SLA: variants seen among roughly 807,000 people sequenced by gnomAD.
SLA encodes the protein src-like-adapter.
In SLA, 16 loss-of-function variants were observed where a neutral mutation model predicts 30.3. The ratio of observed to expected loss-of-function variants is 0.53; its 90% confidence interval spans 0.36 to 0.80. The LOEUF is 0.80. Ranked by LOEUF, SLA falls within the 30% of genes least tolerant of loss-of-function variation. The probability of loss-of-function intolerance (pLI) is 0.01; values close to 1 mark genes in which losing one functional copy is unlikely to be tolerated. For missense variants in SLA, 310 were observed against 345.2 expected, an observed-to-expected ratio of 0.90 and a Z score of 0.81; for synonymous variants, 143 against 137.8, an observed-to-expected ratio of 1.04 and a Z score of -0.26.
intron 2 of SLA, among the ~76,000 whole-genome samples, chr8:133,071,900 A>G (rs751428367): frequency 3.3e-5 from 5 of 152,214 alleles, no homozygotes; most frequent in Non-Finnish European, 5.9e-5. Context: ...ATGAAAAGCC[A>G]TGATCTAGCC....
Position 133,057,923 on chromosome 8 carries a change from G to A in SLA, c.61+2177C>T, listed in dbSNP as rs190473212. ...TGGCCTCTGGGTGATCCTTGTGCAC[G>A]GCCAGGGTCTGTGGAGGGTCTGTGG... is the stretch of plus-strand genomic sequence containing the variant. On this transcript the variant is annotated intron_variant, in intron 3 of 8. Coordinates refer to ENST00000338087, the MANE Select transcript of SLA (RefSeq NM_001045556.3). 5.3e-5 allele frequency among the ~76,000 whole-genome samples: 8 copies of A among 152,246 alleles called. No homozygotes were observed. The East Asian group carries it at 7.7e-4, about 15-fold the overall frequency.
chr8:133,092,717 T>C (rs1291376500), intron 1 of SLA, among the ~76,000 whole-genome samples: 3 of 151,940 alleles, frequency 2.0e-5, no homozygotes. Context: ...AATCCCATGC[T>C]CTCTACACAC....
At chr8:133,051,363 C>T (rs899421258) in intron 3 of SLA, among the ~76,000 whole-genome samples, 2 of 152,186 alleles carry the variant, frequency 1.3e-5, no homozygotes, top group African/African-American at 4.8e-5. Flanking sequence ...TTCTCACTAC[C>T]AATGCCTCGG....
chr8:133,071,315 C>T (rs1442766169), intron 2 of SLA, among the ~76,000 whole-genome samples: 2 of 152,160 alleles, frequency 1.3e-5, no homozygotes, highest in Non-Finnish European at 2.9e-5. Flanking sequence ...TCGGAGTTTG[C>T]CCAGCTGGAA....
chr8:133,060,068 C>T, intron 3 of SLA, 32 bp downstream of exon 3: 1 of 1,556,756 alleles, frequency 6.4e-7, no homozygotes, highest in Non-Finnish European at 8.6e-7. Context: ...GTAGCACAGA[C>T]TCAAGCATCT....
Position 133,050,518 on chromosome 8 carries a change from A to ACACTG in SLA, c.161+293_161+297dup, listed in dbSNP as rs1225066317. ...CGGTCTTCATTCCTACATAACATCA[A>ACACTG]CACTGCACATGTGGTGGGAGATAAG... On this transcript the variant is annotated intron_variant, in intron 4 of 8. Coordinates refer to ENST00000338087, the MANE Select transcript of SLA (RefSeq NM_001045556.3). The ACACTG allele has an allele frequency of 9.0e-6, 3 of 332,854 alleles. No individual in the cohort carries two copies. In the Admixed American group the frequency reaches 1.4e-4, roughly 15 times the overall value. 20.6% of individuals were successfully genotyped at this position (332,854 alleles called of 1,614,324 possible).
chr8:133,101,274 C>T (rs1200132920), intron 1 of SLA, among the ~76,000 whole-genome samples: 2 of 152,200 alleles, frequency 1.3e-5, no homozygotes, highest in African/African-American at 4.8e-5. Context: ...ATGAGCTATG[C>T]TCCCACCCTC....
At chr8:133,051,626 G>A (rs1425758265) in intron 3 of SLA, among the ~76,000 whole-genome samples, 1 of 152,212 alleles carries the variant, frequency 6.6e-6, no homozygotes, top group East Asian at 1.9e-4. Flanking sequence ...TTCTGGTGAA[G>A]TTTTGAAAAG....
At position 133,037,474 on chromosome 8, in the gene SLA, C is replaced by A. The variant is rs1837302361; in HGVS notation, c.*1050G>T. The A allele has an allele frequency of 6.6e-6, 1 of 152,184 alleles. No individual in the cohort carries two copies. Among genetic ancestry groups the A allele is most frequent in the Non-Finnish European group, 1.5e-5 (1 of 68,026 alleles). 9.4% of individuals were successfully genotyped at this position (152,184 alleles called of 1,614,324 possible). A position where few individuals can be genotyped will look rare whatever the true frequency, so the allele number is the denominator to read the frequency against. ...TCTTACCTACCCGATCCAGCCAGCC[C>A]TTCCACTCTGAAGAGCAGCTGGAAA... is the stretch of plus-strand genomic sequence containing the variant. On this transcript the variant is annotated 3_prime_UTR_variant, in exon 9 of 9. Transcript: ENST00000338087.
chr8:133,075,623 T>C (rs894659342), intron 1 of SLA, among the ~76,000 whole-genome samples: 1 of 152,186 alleles, frequency 6.6e-6, no homozygotes. Context: ...ATGTCTCGTA[T>C]CATGACGGCT....
chr8:133,102,560 G>A lies in SLA; in HGVS notation c.-326C>T. On this transcript the variant is annotated 5_prime_UTR_variant, in exon 1 of 9. Coordinates refer to ENST00000338087, the MANE Select transcript of SLA (RefSeq NM_001045556.3). ...GCAAAGTTAGCAACCTACCGGTGGA[G>A]CATCAGGGCTGCCTGAGATGTTCTC... is the stretch of plus-strand genomic sequence containing the variant. 6.4e-7 allele frequency: 1 copy of A among 1,551,568 alleles called. No homozygotes were observed. Among genetic ancestry groups the A allele is most frequent in the Non-Finnish European group, 8.7e-7 (1 of 1,146,852 alleles).
rs956069629 is a variant in SLA, at chr8:133,055,357, G to A, written c.62-4442C>T. On this transcript the variant is annotated intron_variant, in intron 3 of 8. Transcript: ENST00000338087. The stretch of plus-strand genomic sequence containing the variant: ...AGTGTCATCTTCAGGACACACACAC[G>A]CACGCGCGCACACACACACACACAC... Among the ~76,000 whole-genome samples, 571 of 59,904 alleles carry A rather than the reference G, an allele frequency of 9.5e-3. 4 individuals are homozygous for A. Among genetic ancestry groups the A allele is most frequent in the Non-Finnish European group, 0.011 (306 of 27,784 alleles). 39.3% of individuals were successfully genotyped at this position (59,904 alleles called of 152,430 possible). A position where few individuals can be genotyped will look rare whatever the true frequency, so the allele number is the denominator to read the frequency against.
At chr8:133,092,110 T>C (rs1847647391) in intron 1 of SLA, among the ~76,000 whole-genome samples, 1 of 152,162 alleles carries the variant, frequency 6.6e-6, no homozygotes. Flanking sequence ...ATCTCCAGGA[T>C]TTTTAAAAGA....
intron 2 of SLA, among the ~76,000 whole-genome samples, chr8:133,069,220 A>G (rs1431887991): frequency 6.6e-6 from 1 of 152,256 alleles, no homozygotes; most frequent in Non-Finnish European, 1.5e-5. Context: ...TCTTTATTGC[A>G]TCGTATTTCC....
chr8:133,088,694 C>T (rs1266673334), intron 1 of SLA, among the ~76,000 whole-genome samples: 1 of 152,212 alleles, frequency 6.6e-6, no homozygotes, highest in Non-Finnish European at 1.5e-5. Context: ...AGGCCTTCTT[C>T]AAATCCTACA....
chr8:133,040,178 G>T, intron 7 of SLA, 48 bp from the exon 8 acceptor site: 1 of 1,554,688 alleles, frequency 6.4e-7, no homozygotes, highest in Non-Finnish European at 8.7e-7. Context: ...GGACGCCTCA[G>T]CCAGTGTGGG....
chr8:133,045,664 G>A (rs1369253285), intron 6 of SLA, among the ~76,000 whole-genome samples: 1 of 151,988 alleles, frequency 6.6e-6, no homozygotes, highest in African/African-American at 2.4e-5. Context: ...CAAAGTGCTG[G>A]GATTACAGGC....
chr8:133,055,848 GCA>G (rs1841347485), intron 3 of SLA, among the ~76,000 whole-genome samples: 1 of 81,192 alleles, frequency 1.2e-5, no homozygotes, highest in Non-Finnish European at 2.8e-5. Flanking sequence ...AGCAGCAGCA[GCA>G]GCAGCAGCAG....
intron 3 of SLA, among the ~76,000 whole-genome samples, chr8:133,054,310 A>C (rs1455644899): frequency 6.6e-6 from 1 of 152,196 alleles, no homozygotes; most frequent in South Asian, 2.1e-4. Context: ...AGACATATGC[A>C]CTGCGCATGA....
Sources: gnomAD v4.1 joint callset for allele counts (sites outside exome capture counted in the v4.1 genomes callset) on GRCh38, gnomAD v4.1.1 for gene constraint, MANE v1.5 for transcripts, NCBI Gene and HGNC (gene_info 2026-07-23, HGNC 2026-07-21) for gene names.